Variants in ADORA2B observed in about 807,000 individuals in gnomAD.
The protein encoded by ADORA2B is adenosine receptor A2b.
Under a neutral mutation model 20.8 loss-of-function variants are expected in ADORA2B, and 18 were observed. The ratio of observed to expected loss-of-function variants is 0.87; its 90% CI spans 0.60 to 1.29. ADORA2B has a LOEUF of 1.29. Among genes scored for constraint, ADORA2B ranks in the 50% most tolerant of loss-of-function variants. The pLI is 0.00. For synonymous variants in ADORA2B, 179 were observed against 178.3 expected (o/e 1.00, Z -0.03); for missense variants, 441 against 422.7 (o/e 1.04, Z -0.38).
intron 1 of ADORA2B, 111 bp downstream of exon 1, chr17:15,945,694 G>T (rs1227793424): frequency 6.8e-6 from 7 of 1,029,428 alleles, no homozygotes; most frequent in Non-Finnish European, 9.6e-6. Flanking sequence ...CCAGGCTGGG[G>T]GCGCGCGGGG....
At chr17:15,942,581 G>T (rs1597841114), upstream of ADORA2B, among the ~76,000 whole-genome samples, 2 of 152,188 alleles carry the variant, frequency 1.3e-5, no homozygotes, top group East Asian at 3.8e-4. Context: ...AGGGGAAATG[G>T]TGATTCTGGG....
At chr17:15,945,029 G>A (rs1969780097), upstream of ADORA2B, 1 of 319,826 alleles carries the variant, frequency 3.1e-6, no homozygotes, top group East Asian at 5.2e-5. Flanking sequence ...GCTCCGCCCA[G>A]CCCGAGACGG....
intron 1 of ADORA2B, among the ~76,000 whole-genome samples, chr17:15,955,120 G>A (rs777421903): frequency 3.3e-5 from 5 of 152,074 alleles, no homozygotes; most frequent in Non-Finnish European, 5.9e-5. Flanking sequence ...AACAACTTGG[G>A]TTTGAACTGT....
the ADORA2B span, among the ~76,000 whole-genome samples, chr17:15,887,820 G>A: frequency 4.1e-5 from 5 of 121,734 alleles, 1 homozygote; most frequent in Admixed American, 2.5e-4. Flanking sequence ...GTTTGGTGGC[G>A]GGCGCCTGTG....
At chr17:15,920,387 C>A in the ADORA2B span, among the ~76,000 whole-genome samples, 2 of 152,188 alleles carry the variant, frequency 1.3e-5, no homozygotes, top group Non-Finnish European at 2.9e-5. Context: ...ATAAAAGTTT[C>A]TGTTCCCCTT....
chr17:15,857,319 C>T, the ADORA2B span, among the ~76,000 whole-genome samples: 2 of 152,190 alleles, frequency 1.3e-5, no homozygotes, highest in Non-Finnish European at 2.9e-5. Context: ...GGGATGGAAC[C>T]CTCATGGAGA....
the ADORA2B span, among the ~76,000 whole-genome samples, chr17:15,883,773 G>A: frequency 0.087 from 13,242 of 152,198 alleles, 1,635 homozygotes; most frequent in African/African-American, 0.27. Context: ...GTGTAGAGAC[G>A]TGCTTAGGAG....
chr17:15,866,919 C>T, the ADORA2B span, among the ~76,000 whole-genome samples: 1 of 152,256 alleles, frequency 6.6e-6, no homozygotes, highest in Non-Finnish European at 1.5e-5. Context: ...CGAGTGCCTG[C>T]GATTGCAGGC....
At chr17:15,864,234 C>A in the ADORA2B span, 8 of 152,234 alleles carry the variant, frequency 5.3e-5, no homozygotes, top group African/African-American at 1.9e-4. Flanking sequence ...CCATGTGTGC[C>A]TGTGCTTGGT....
At position 15,945,195 on chromosome 17, in the gene ADORA2B, C is replaced by T; in HGVS notation, c.-54C>T. On this transcript the variant is annotated 5_prime_UTR_variant, in exon 1 of 2. Transcript: ENST00000304222. ...TGCCCGGCGGGTCTCACGCGGCTGC[C>T]CCTCGCCCGGCGCGCCTTCGGTAGG... 5.1e-6 allele frequency: 7 copies of T among 1,367,392 alleles called. No homozygotes were observed. The highest frequency in any genetic ancestry group is 1.7e-5 in the South Asian group (1 of 59,464). 84.7% of individuals were successfully genotyped at this position (1,367,392 alleles called of 1,614,324 possible).
chr17:15,969,173 G>A (rs540258927), intron 1 of ADORA2B, among the ~76,000 whole-genome samples: 17 of 152,130 alleles, frequency 1.1e-4, no homozygotes, highest in African/African-American at 3.4e-4. Flanking sequence ...CCCTTTGGCC[G>A]GGCGTGGAGG....
the ADORA2B span, among the ~76,000 whole-genome samples, chr17:15,883,292 T>G: frequency 1.3e-5 from 2 of 152,242 alleles, no homozygotes; most frequent in African/African-American, 4.8e-5. Context: ...AAAATTTCTC[T>G]TACTAAAAAT....
chr17:15,939,846 C>T, the ADORA2B span, among the ~76,000 whole-genome samples: 4 of 123,818 alleles, frequency 3.2e-5, no homozygotes, highest in African/African-American at 6.4e-5. Flanking sequence ...GGTAACAGAG[C>T]GAGACTCTGT....
At chr17:15,862,216 T>C in the ADORA2B span, among the ~76,000 whole-genome samples, 189 of 58,106 alleles carry the variant, frequency 3.3e-3, no homozygotes, top group South Asian at 0.015. Context: ...CTTTTCTTTT[T>C]TTTTTTTTTT....
At chr17:15,858,526 C>T in the ADORA2B span, among the ~76,000 whole-genome samples, 1 of 152,190 alleles carries the variant, frequency 6.6e-6, no homozygotes, top group African/African-American at 2.4e-5. Context: ...TTTCTCTTCA[C>T]TATTTGCCCT....
chr17:15,870,892 G>A, the ADORA2B span, among the ~76,000 whole-genome samples: 42 of 152,300 alleles, frequency 2.8e-4, no homozygotes, highest in Non-Finnish European at 5.1e-4. Context: ...TAGCAGATGC[G>A]CGGCACTGTG....
At chr17:15,874,119 C>T in the ADORA2B span, among the ~76,000 whole-genome samples, 253 of 85,348 alleles carry the variant, frequency 3.0e-3, 2 homozygotes, top group African/African-American at 8.9e-3. Flanking sequence ...TATATACATA[C>T]ACACACACAC....
the ADORA2B span, among the ~76,000 whole-genome samples, chr17:15,863,069 T>G: frequency 3.9e-5 from 6 of 152,156 alleles, no homozygotes; most frequent in Non-Finnish European, 5.9e-5. Context: ...CCCCAGATAT[T>G]ACATATTGTC....
chr17:15,910,624 A>AT, the ADORA2B span, among the ~76,000 whole-genome samples: 2 of 152,024 alleles, frequency 1.3e-5, no homozygotes, highest in South Asian at 2.1e-4. Context: ...TTTTTGTGAG[A>AT]TTTTTTTGCG....
Sources: allele counts gnomAD v4.1 joint callset (sites outside exome capture counted in the v4.1 genomes callset), GRCh38; gene constraint gnomAD v4.1.1; transcripts MANE v1.5; gene names NCBI Gene and HGNC (gene_info 2026-07-23, HGNC 2026-07-21).